The following MSRA variants were observed in gnomAD, a reference collection of about 807,000 sequenced individuals.
MSRA encodes the protein methionine sulfoxide reductase A, also known as mitochondrial peptide methionine sulfoxide reductase.
Under a neutral mutation model 31.3 loss-of-function variants are expected in MSRA, and 54 were observed. That is an observed-to-expected ratio of 1.73 (90% CI 1.39 to 2.17). The LOEUF (loss-of-function observed/expected upper bound fraction) is 2.17, where lower values mean the gene tolerates loss of function less well. Among genes scored for constraint, MSRA ranks in the 30% most tolerant of loss-of-function variants. The pLI is 0.00. For synonymous variants in MSRA, 169 were observed against 116.5 expected (o/e 1.45, Z -2.90); for missense variants, 507 against 300.9 (o/e 1.69, Z -5.07).
intron 1 of MSRA, among the ~76,000 whole-genome samples, chr8:10,108,546 C>T (rs1450846291): frequency 6.6e-6 from 1 of 152,104 alleles, no homozygotes; most frequent in Non-Finnish European, 1.5e-5. Context: ...TTACATTGAC[C>T]CCATCCTCAG....
At chr8:10,163,265 C>T (rs746616000) in intron 1 of MSRA, among the ~76,000 whole-genome samples, 7 of 152,152 alleles carry the variant, frequency 4.6e-5, no homozygotes, top group Non-Finnish European at 8.8e-5. Context: ...CAGCCCCCGC[C>T]GACTCAGACC....
intron 5 of MSRA, among the ~76,000 whole-genome samples, chr8:10,367,662 G>A (rs1324298707): frequency 6.6e-6 from 1 of 152,254 alleles, no homozygotes; most frequent in Non-Finnish European, 1.5e-5. Flanking sequence ...CACACTGCGA[G>A]TGAGTAGCAG....
chr8:10,175,832 C>G (rs982679710), intron 1 of MSRA, among the ~76,000 whole-genome samples: 6 of 152,206 alleles, frequency 3.9e-5, no homozygotes, highest in Non-Finnish European at 8.8e-5. Flanking sequence ...AGCCACAACT[C>G]TATTCGCCGT....
chr8:10,239,328 A>C (rs192468663), intron 2 of MSRA, among the ~76,000 whole-genome samples: 1 of 152,190 alleles, frequency 6.6e-6, no homozygotes, highest in East Asian at 1.9e-4. Context: ...TGCCCAGCTA[A>C]TTTTTGTGTT....
chr8:10,390,932 C>T (rs1057389924), intron 5 of MSRA, among the ~76,000 whole-genome samples: 4 of 150,958 alleles, frequency 2.6e-5, no homozygotes, highest in African/African-American at 9.7e-5. Flanking sequence ...GCCGAGATCG[C>T]GCCACTGCAC....
At chr8:10,245,023 G>A in intron 2 of MSRA, 81 bp from the exon 3 acceptor site, 5 of 1,278,452 alleles carry the variant, frequency 3.9e-6, no homozygotes, top group Non-Finnish European at 5.2e-6. Flanking sequence ...TTTTCTTCAT[G>A]TAACAGGTGT....
At chr8:10,056,555 G>A (rs1802384489) in intron 1 of MSRA, among the ~76,000 whole-genome samples, 1 of 145,314 alleles carries the variant, frequency 6.9e-6, no homozygotes, top group Non-Finnish European at 1.5e-5. Context: ...GTAGGGCCAA[G>A]CCTACAATGC....
At chr8:10,183,335 G>C (rs1048688304) in intron 1 of MSRA, among the ~76,000 whole-genome samples, 15 of 152,166 alleles carry the variant, frequency 9.9e-5, no homozygotes, top group Non-Finnish European at 8.8e-5. Flanking sequence ...GTGTCATCTG[G>C]TACTTACGGC....
chr8:10,386,313 C>T (rs991490900), intron 5 of MSRA, among the ~76,000 whole-genome samples: 1 of 152,070 alleles, frequency 6.6e-6, no homozygotes, highest in African/African-American at 2.4e-5. Flanking sequence ...ATTAGTTTCA[C>T]ACCAGATAAT....
intron 3 of MSRA, among the ~76,000 whole-genome samples, chr8:10,251,425 TG>T (rs1251351786): frequency 1.3e-5 from 2 of 152,168 alleles, no homozygotes; most frequent in African/African-American, 4.8e-5. Context: ...CTCATTTCAA[TG>T]TCAGTCAAGG....
At chr8:10,306,306 G>C (rs1801136608) in intron 4 of MSRA, among the ~76,000 whole-genome samples, 1 of 152,150 alleles carries the variant, frequency 6.6e-6, no homozygotes. Flanking sequence ...AAATAAAATA[G>C]TGTGAAAATA....
intron 1 of MSRA, among the ~76,000 whole-genome samples, chr8:10,133,843 T>C (rs11785454): frequency 0.22 from 32,949 of 152,036 alleles, 4,637 homozygotes; most frequent in East Asian, 0.57. Flanking sequence ...CTTTTGTTTG[T>C]TTTTTGAGAT....
intron 5 of MSRA, among the ~76,000 whole-genome samples, chr8:10,392,315 C>T (rs1402066351): frequency 6.6e-6 from 1 of 152,194 alleles, no homozygotes; most frequent in African/African-American, 2.4e-5. Context: ...TCTGAGTCAG[C>T]TTGGATCGTG....
intron 5 of MSRA, among the ~76,000 whole-genome samples, chr8:10,422,018 C>CA (rs1448893773): frequency 1.3e-5 from 2 of 152,172 alleles, no homozygotes; most frequent in Admixed American, 6.5e-5. Context: ...TCGTGGCTCA[C>CA]ACCTGTAATC....
rs140563786 is a variant in MSRA at position 10,255,664 on chromosome 8, G to A, written c.331+10441G>A. 7.1e-3 allele frequency among the ~76,000 whole-genome samples: 1,080 copies of A among 151,836 alleles called. 15 individuals carry two copies. The highest frequency in any genetic ancestry group is 0.025 in the African/African-American group (1,038 of 41,374). On this transcript the variant is annotated intron_variant, in intron 3 of 5. Coordinates refer to ENST00000317173, the MANE Select transcript of MSRA (RefSeq NM_012331.5). Reference sequence around the variant, plus strand: ...CCTTGTTTAAGGCGTGTTCGGTTGCGTTTGATAGTTTGAAAATGCTCTGGG... The same window carrying A: ...CCTTGTTTAAGGCGTGTTCGGTTGCATTTGATAGTTTGAAAATGCTCTGGG...
intron 1 of MSRA, among the ~76,000 whole-genome samples, chr8:10,166,943 G>A (rs911071165): frequency 3.9e-5 from 6 of 152,170 alleles, no homozygotes; most frequent in African/African-American, 1.2e-4. Flanking sequence ...TGTATTCCTA[G>A]GGTTGAGAAA....
chr8:10,125,223 C>T (rs1229187523), intron 1 of MSRA, among the ~76,000 whole-genome samples: 1 of 152,196 alleles, frequency 6.6e-6, no homozygotes, highest in African/African-American at 2.4e-5. Flanking sequence ...CTAGGTCATT[C>T]TTTCCAAAGA....
At chr8:10,207,117 A>G (rs553563350) in intron 1 of MSRA, among the ~76,000 whole-genome samples, 2 of 152,234 alleles carry the variant, frequency 1.3e-5, no homozygotes, top group African/African-American at 2.4e-5. Flanking sequence ...CATATTGTCT[A>G]TTGATCACAG....
intron 1 of MSRA, among the ~76,000 whole-genome samples, chr8:10,166,642 G>A (rs142185404): frequency 6.6e-6 from 1 of 152,176 alleles, no homozygotes. Flanking sequence ...CATTCTGTGG[G>A]CTGGGGATCT....
Sources: gnomAD v4.1 joint callset for allele counts (sites outside exome capture counted in the v4.1 genomes callset) on GRCh38, gnomAD v4.1.1 for gene constraint, MANE v1.5 for transcripts, NCBI Gene and HGNC (gene_info 2026-07-23, HGNC 2026-07-21) for gene names.